The following GXYLT2 variants were observed in gnomAD, a reference collection of about 807,000 sequenced individuals.
GXYLT2 encodes glycosyltransferase 8 domain containing 4.
GXYLT2 carries 53 observed loss-of-function variants against 45.8 expected under a neutral mutation model. That is an observed-to-expected ratio of 1.16 (90% CI 0.93 to 1.46). The LOEUF (loss-of-function observed/expected upper bound fraction) is 1.46, where lower values mean the gene tolerates loss of function less well. Among genes scored for constraint, GXYLT2 ranks in the 40% most tolerant of loss-of-function variants. The probability of loss-of-function intolerance (pLI) is 0.00; values close to 1 mark genes in which losing one functional copy is unlikely to be tolerated. For missense variants in GXYLT2, 551 were observed against 544.4 expected, an observed-to-expected ratio of 1.01 and a Z score of -0.12; for synonymous variants, 219 against 214.2, an observed-to-expected ratio of 1.02 and a Z score of -0.19.
chr3:72,935,646 C>T (rs1290671535), intron 3 of GXYLT2, among the ~76,000 whole-genome samples: 7 of 152,172 alleles, frequency 4.6e-5, no homozygotes, highest in Admixed American at 2.6e-4. Context: ...AACCAGAAAT[C>T]AAAAGGACTT....
intron 1 of GXYLT2, among the ~76,000 whole-genome samples, chr3:72,893,567 A>C (rs1353640033): frequency 1.3e-5 from 2 of 152,164 alleles, no homozygotes; most frequent in Non-Finnish European, 2.9e-5. Context: ...TGATCTCCTT[A>C]AATCACTGTT....
At chr3:72,928,919 C>A in intron 3 of GXYLT2, 1 of 702,702 alleles carries the variant, frequency 1.4e-6, no homozygotes, top group South Asian at 1.5e-5. Flanking sequence ...GTTCGTCCCC[C>A]ATCCCGGCCG....
intron 2 of GXYLT2, among the ~76,000 whole-genome samples, chr3:72,916,939 T>G (rs541013095): frequency 6.6e-6 from 1 of 152,068 alleles, no homozygotes; most frequent in African/African-American, 2.4e-5. Context: ...ATAACATTTG[T>G]AGATGCTCAA....
chr3:72,898,535 G>GGAATAAATCAACACAAATGT (rs1709338912), intron 1 of GXYLT2, among the ~76,000 whole-genome samples: 1 of 152,166 alleles, frequency 6.6e-6, no homozygotes, highest in African/African-American at 2.4e-5. Context: ...TTCTGGAGGG[G>GGAATAAATCAACACAAATGT]GAATAAATCA....
chr3:72,937,481 G>A (rs914060164), intron 3 of GXYLT2, among the ~76,000 whole-genome samples: 1 of 152,118 alleles, frequency 6.6e-6, no homozygotes, highest in Non-Finnish European at 1.5e-5. Context: ...CGATCTTTAG[G>A]TTTATGATTT....
intron 3 of GXYLT2, among the ~76,000 whole-genome samples, chr3:72,937,058 A>C (rs929496862): frequency 2.0e-5 from 3 of 152,170 alleles, no homozygotes; most frequent in Non-Finnish European, 2.9e-5. Flanking sequence ...GACCATTTTT[A>C]CTTCTTTTTC....
intron 1 of GXYLT2, among the ~76,000 whole-genome samples, chr3:72,897,808 T>C (rs1709321849): frequency 6.6e-6 from 1 of 152,170 alleles, no homozygotes; most frequent in Non-Finnish European, 1.5e-5. Flanking sequence ...TACAGCAAAA[T>C]TGCTAACCAC....
chr3:72,955,684 G>A (rs914862831), intron 4 of GXYLT2, among the ~76,000 whole-genome samples: 6 of 152,272 alleles, frequency 3.9e-5, no homozygotes, highest in Middle Eastern at 3.4e-3. Flanking sequence ...ATGTAAGTCC[G>A]TGACGATATT....
At chr3:72,972,595 C>T (rs56054925) in intron 6 of GXYLT2, among the ~76,000 whole-genome samples, 2,611 of 143,028 alleles carry the variant, frequency 0.018, 91 homozygotes, top group African/African-American at 0.065. Flanking sequence ...GAGCCAAGAT[C>T]GCACCACTGC....
intron 6 of GXYLT2, among the ~76,000 whole-genome samples, chr3:72,972,365 G>C (rs1304563432): frequency 1.0e-5 from 1 of 97,490 alleles, no homozygotes; most frequent in Non-Finnish European, 1.9e-5. Context: ...TATATTCTGA[G>C]CTGGGCGCAG....
At chr3:72,943,371 TCTTTTTC>T (rs1258150124) in intron 3 of GXYLT2, among the ~76,000 whole-genome samples, 2 of 151,342 alleles carry the variant, frequency 1.3e-5, no homozygotes, top group African/African-American at 4.9e-5. Context: ...TCTGTATTTC[TCTTTTTC>T]CTTTTTTTTT....
At chr3:72,947,736 G>A (rs1279442394) in intron 3 of GXYLT2, among the ~76,000 whole-genome samples, 2 of 152,114 alleles carry the variant, frequency 1.3e-5, no homozygotes, top group African/African-American at 2.4e-5. Context: ...AGGAGGCGGA[G>A]GTTGCAGTGA....
rs560318401 is a variant in GXYLT2 at position 72,908,518 on chromosome 3, A to C, written c.427A>C (p.Ile143Leu). The C allele has an allele frequency of 1.9e-6, 3 of 1,613,610 alleles. No homozygotes were observed. The highest frequency in any genetic ancestry group is 3.3e-5 in the Admixed American group (2 of 59,904). ...TAGCCACAGGAAGATCCAATTCCAC[A>C]TCTTCACTGAAGACTCTCTGAAGCC... ...LFSHRKIQFH[I>L]FTEDSLKPEF... is the part of the protein sequence containing the mutation. The change falls in exon 2 of 7, where the codon ATC (isoleucine) becomes CTC (leucine). Residue 143 changes from isoleucine (I) to leucine (L), a missense_variant. Ile to Leu is a conservative substitution (Grantham distance 5, BLOSUM62 2). Transcript: ENST00000389617.
intron 1 of GXYLT2, among the ~76,000 whole-genome samples, chr3:72,902,610 G>A (rs1466687472): frequency 2.6e-5 from 4 of 152,180 alleles, no homozygotes; most frequent in Non-Finnish European, 5.9e-5. Flanking sequence ...GCCAAGGTGG[G>A]AGGATCATTT....
At chr3:72,951,584 G>T (rs995674527) in intron 3 of GXYLT2, among the ~76,000 whole-genome samples, 19 of 152,242 alleles carry the variant, frequency 1.2e-4, no homozygotes, top group African/African-American at 4.3e-4. Flanking sequence ...AGGCTGCCAA[G>T]ACTTGAACTC....
At chr3:72,952,095 C>T (rs992212951) in intron 3 of GXYLT2, among the ~76,000 whole-genome samples, 2 of 151,686 alleles carry the variant, frequency 1.3e-5, no homozygotes, top group Non-Finnish European at 2.9e-5. Context: ...GCTCACCTCC[C>T]GGGCTCAAGC....
chr3:72,950,956 T>G (rs539042825), intron 3 of GXYLT2, among the ~76,000 whole-genome samples: 1 of 152,118 alleles, frequency 6.6e-6, no homozygotes, highest in Non-Finnish European at 1.5e-5. Flanking sequence ...CAGCATCGGG[T>G]ACAGAGTACT....
intron 3 of GXYLT2, among the ~76,000 whole-genome samples, chr3:72,949,228 C>G (rs1037313972): frequency 2.0e-5 from 3 of 152,166 alleles, no homozygotes; most frequent in African/African-American, 7.2e-5. Flanking sequence ...CCACTGTAAA[C>G]TCCAGCCCTG....
intron 2 of GXYLT2, among the ~76,000 whole-genome samples, chr3:72,909,968 A>G (rs1709587879): frequency 1.3e-5 from 2 of 152,190 alleles, no homozygotes; most frequent in Non-Finnish European, 2.9e-5. Flanking sequence ...GGAAAAAAAA[A>G]GTACCTTGAC....
Sources: allele counts gnomAD v4.1 joint callset (sites outside exome capture counted in the v4.1 genomes callset), GRCh38; gene constraint gnomAD v4.1.1; transcripts MANE v1.5; gene names NCBI Gene and HGNC (gene_info 2026-07-23, HGNC 2026-07-21).